Variants in TGFBI observed in about 807,000 individuals in gnomAD.
The protein encoded by TGFBI is transforming growth factor beta induced, also known as transforming growth factor-beta-induced protein ig-h3.
TGFBI carries 50 observed loss-of-function variants against 73.7 expected under a neutral mutation model. The ratio of observed to expected loss-of-function variants is 0.68; its 90% CI spans 0.54 to 0.86. TGFBI has a LOEUF of 0.86. TGFBI is among the 40% of genes least tolerant of loss of function. TGFBI has a pLI of 0.00. For missense variants in TGFBI, 839 were observed against 877.0 expected, an observed-to-expected ratio of 0.96 and a Z score of 0.55; for synonymous variants, 362 against 360.5, an observed-to-expected ratio of 1.00 and a Z score of -0.05.
chr5:136,051,962 C>T (rs898634895), intron 7 of TGFBI, among the ~76,000 whole-genome samples: 6 of 152,206 alleles, frequency 3.9e-5, no homozygotes, highest in Non-Finnish European at 8.8e-5. Flanking sequence ...GGTTTTGGTT[C>T]CCACACTTGG....
At chr5:136,029,962 T>C (rs1751088121) in intron 1 of TGFBI, among the ~76,000 whole-genome samples, 1 of 152,114 alleles carries the variant, frequency 6.6e-6, no homozygotes, top group African/African-American at 2.4e-5. Flanking sequence ...TGAAGATGTG[T>C]TGGCTTTAGG....
chr5:136,057,447 T>G (rs1751668655), intron 12 of TGFBI, among the ~76,000 whole-genome samples: 1 of 152,054 alleles, frequency 6.6e-6, no homozygotes, highest in African/African-American at 2.4e-5. Context: ...ATCTAGTGGT[T>G]ACGGGTGGCT....
At chr5:136,049,200 G>A (rs1751487774) in intron 6 of TGFBI, 3 of 474,372 alleles carry the variant, frequency 6.3e-6, no homozygotes, top group Admixed American at 3.4e-5. Context: ...GGACTTGGGG[G>A]CAGGAAGAGG....
Position 136,053,090 on chromosome 5 carries a change from A to G in TGFBI, c.1097A>G (p.Tyr366Cys). The change falls in exon 8 of 17, where the codon TAC becomes TGC. Residue 366 changes from tyrosine (Y) to cysteine (C), a missense_variant. Tyr to Cys is a radical substitution (Grantham distance 194, BLOSUM62 -2). Transcript: ENST00000442011. ...CTAGCCACCAACGGGGTGATCCACT[A>G]CATTGATGAGCTACTCATCCCAGAC... ...DILATNGVIH[Y>C]IDELLIPDSA... The G allele has an allele frequency of 6.2e-7, 1 of 1,614,048 alleles. No homozygotes were observed. Among genetic ancestry groups the G allele is most frequent in the Non-Finnish European group, 8.5e-7 (1 of 1,179,888 alleles).
rs557394443 is a variant in TGFBI, at chr5:136,063,065, A to G, written c.2012-121A>G. 25 of 839,252 alleles carry G rather than the reference A, an allele frequency of 3.0e-5. No individual in the cohort carries two copies. In the African/African-American group the frequency reaches 3.5e-4, roughly 12 times the overall value. The allele number at this position is 839,252 out of a possible 1,614,324, so 52.0% of individuals were successfully genotyped here. On this transcript the variant is annotated intron_variant, in intron 16 of 16. Coordinates refer to ENST00000442011, the MANE Select transcript of TGFBI (RefSeq NM_000358.3). ...TTTCACAAACCACAAAGCACCTGCT[A>G]TGTGCAGGAGAGCATGGCAGAAGGA...
Position 136,054,702 on chromosome 5 carries a change from A to G in TGFBI, c.1265-14A>G, listed in dbSNP as rs1751595530. ...GCACATCTCTCTGGACCTAACCATC[A>G]CCCTTTCTTGTAGATGGAACCCCTC... is the stretch of plus-strand genomic sequence containing the variant. On this transcript the variant is annotated splice_polypyrimidine_tract_variant and intron_variant, in intron 9 of 16. Coordinates refer to ENST00000442011, the MANE Select transcript of TGFBI (RefSeq NM_000358.3). 6.2e-7 allele frequency: 1 copy of G among 1,613,660 alleles called. No homozygotes were observed. Among genetic ancestry groups the G allele is most frequent in the Non-Finnish European group, 8.5e-7 (1 of 1,179,844 alleles).
chr5:136,061,024 G>C (rs993233953), intron 14 of TGFBI, 88 bp downstream of exon 14: 2 of 926,330 alleles, frequency 2.2e-6, no homozygotes, highest in African/African-American at 3.3e-5. Flanking sequence ...TCTAAACAAT[G>C]ATGAGAATAA....
rs1751498648 is a variant in TGFBI, at chr5:136,049,656, T to C, written c.913+76T>C. 2.6e-6 allele frequency: 4 copies of C among 1,516,186 alleles called. 1 individual carries two copies. The East Asian group carries it at 7.3e-5, about 28-fold the overall frequency. The allele number at this position is 1,516,186 out of a possible 1,614,324, so 93.9% of individuals were successfully genotyped here. A position where few individuals can be genotyped will look rare whatever the true frequency, so the allele number is the denominator to read the frequency against. ...GCCCAAGACCTGCTCTGGTCCAAGA[T>C]GAACATACCACCTGCCATGAGGTGA... On this transcript the variant is annotated intron_variant, in intron 7 of 16. Transcript: ENST00000442011.
intron 7 of TGFBI, among the ~76,000 whole-genome samples, chr5:136,050,972 G>A (rs1465599969): frequency 6.6e-6 from 1 of 152,206 alleles, no homozygotes; most frequent in African/African-American, 2.4e-5. Flanking sequence ...AAAACAGGTT[G>A]TTGGGATCTG....
In TGFBI at chr5:136,047,019, G is replaced by A; in HGVS notation, c.624+4G>A. On this transcript the variant is annotated splice_donor_region_variant and intron_variant, in intron 5 of 16. Transcript: ENST00000442011. ...GATCCACCACTATCCTAATGGGGTA[G>A]GGGATCCCCAGCCATACTGCATGGC... The A allele has an allele frequency of 6.2e-7, 1 of 1,610,948 alleles. No individual in the cohort carries two copies. The highest frequency in any genetic ancestry group is 8.5e-7 in the Non-Finnish European group (1 of 1,179,740).
Position 136,054,091 on chromosome 5 carries a change from G to C in TGFBI, c.1264+11G>C, listed in dbSNP as rs1386766676. The C allele has an allele frequency of 6.2e-7, 1 of 1,611,008 alleles. No homozygotes were observed. Among genetic ancestry groups the C allele is most frequent in the Non-Finnish European group, 8.5e-7 (1 of 1,177,416 alleles). ...ATTCTGTATTCAAAGGTAACATGGG[G>C]AAGGCATCCCTGTTAGATTGTCCCT... On this transcript the variant is annotated intron_variant, in intron 9 of 16. Transcript: ENST00000442011.
At chr5:136,047,513 A>G in intron 6 of TGFBI, 93 bp downstream of exon 6, 1 of 1,506,204 alleles carries the variant, frequency 6.6e-7, no homozygotes, top group Non-Finnish European at 9.1e-7. Flanking sequence ...GAGGTAGAGG[A>G]TGGCTCCTGT....
At chr5:136,055,647 A>G (rs750801076) in intron 10 of TGFBI, 33 bp from the exon 11 acceptor site, 34 of 1,545,510 alleles carry the variant, frequency 2.2e-5, no homozygotes, top group Non-Finnish European at 2.8e-5. Context: ...AAGTATAACC[A>G]GTCCTTTCTT....
rs369433975 is a variant in TGFBI at position 136,053,592 on chromosome 5, T to C, written c.1127-351T>C. ...AGGAATCTCACAGGAAAAAACAAAATGCTTCTATGGGTGTGGTTGCTGGCC... is the reference window on the plus strand; with the variant it reads ...AGGAATCTCACAGGAAAAAACAAAACGCTTCTATGGGTGTGGTTGCTGGCC... On this transcript the variant is annotated intron_variant, in intron 8 of 16. Transcript: ENST00000442011. Among the ~76,000 whole-genome samples, 3 of 152,344 alleles carry C rather than the reference T, an allele frequency of 2.0e-5. No homozygotes were observed. In the East Asian group the frequency reaches 5.8e-4, roughly 29 times the overall value.
In TGFBI at chr5:136,056,701, G is replaced by A. The variant is rs552261238; in HGVS notation, c.1584G>A (p.Thr528=). The A allele has an allele frequency of 4.7e-4, 760 of 1,613,762 alleles. 12 individuals are homozygous for A. The South Asian group carries it at 7.5e-3, about 16-fold the overall frequency. ...CTGCCATCCAGTCTGCAGGACTGAC[G>A]GAGACCCTCAACCGGGAAGGAGTCT... ...LVAAIQSAGL[T]ETLNREGVYT... Residue 528 remains threonine, a synonymous_variant, in exon 12 of 17, where the codon ACG becomes ACA. Coordinates refer to ENST00000442011, the MANE Select transcript of TGFBI (RefSeq NM_000358.3).
Position 136,061,595 on chromosome 5 carries a change from G to C in TGFBI, c.1986+16G>C. The stretch of plus-strand genomic sequence containing the variant: ...GTTTTCCAGGGTAAGATGCCTGCTA[G>C]GTTTGCGCCTAGCCTGAGCAGCCTC... On this transcript the variant is annotated intron_variant, in intron 15 of 16. Coordinates refer to ENST00000442011, the MANE Select transcript of TGFBI (RefSeq NM_000358.3). 6.2e-7 allele frequency: 1 copy of C among 1,611,226 alleles called. No homozygotes were observed. The highest frequency in any genetic ancestry group is 8.5e-7 in the Non-Finnish European group (1 of 1,177,726).
At chr5:136,056,481 G>A (rs1751633639) in intron 11 of TGFBI, 184 bp from the exon 12 acceptor site, 4 of 681,206 alleles carry the variant, frequency 5.9e-6, no homozygotes, top group Admixed American at 2.9e-5. Context: ...GAGAGAGCTG[G>A]AGCCTGGAAT....
chr5:136,049,729 T>C (rs1751499401), intron 7 of TGFBI, 149 bp downstream of exon 7: 4 of 863,906 alleles, frequency 4.6e-6, no homozygotes, highest in Non-Finnish European at 7.0e-6. Flanking sequence ...TCCTGTCCTG[T>C]TGCTTCAGCT....
intron 14 of TGFBI, chr5:136,061,186 C>T (rs2126917848): frequency 1.7e-6 from 1 of 578,348 alleles, no homozygotes; most frequent in Non-Finnish European, 3.1e-6. Context: ...GGACACAGCC[C>T]AGTTTTCTGT....
Sources: gnomAD v4.1 joint callset for allele counts (sites outside exome capture counted in the v4.1 genomes callset) on GRCh38, gnomAD v4.1.1 for gene constraint, MANE v1.5 for transcripts, NCBI Gene and HGNC (gene_info 2026-07-23, HGNC 2026-07-21) for gene names.